The following UGGT2 variants were observed in gnomAD, a reference collection of about 807,000 sequenced individuals.
UGGT2 encodes the protein UDP-glucose:glycoprotein glucosyltransferase 2.
A neutral mutation model predicts 192.1 loss-of-function variants in UGGT2; 180 were observed. The observed-to-expected ratio is 0.94, with a 90% CI of 0.83 to 1.06. The LOEUF (loss-of-function observed/expected upper bound fraction) is 1.06, where lower values mean the gene tolerates loss of function less well. Among genes scored for constraint, UGGT2 ranks in the 50% least tolerant of loss-of-function variants. The pLI, the probability that UGGT2 is intolerant of heterozygous loss-of-function variation, is 0.00. For missense variants in UGGT2, 1,849 were observed against 1,795.7 expected (o/e 1.03, Z -0.54); for synonymous variants, 580 against 591.0 (o/e 0.98, Z 0.27).
At chr13:95,922,872 G>T (rs557414180) in intron 20 of UGGT2, among the ~76,000 whole-genome samples, 8 of 152,122 alleles carry the variant, frequency 5.3e-5, no homozygotes, top group African/African-American at 1.4e-4. Flanking sequence ...TTTAAAAAAA[G>T]AAACTCTCTT....
chr13:95,904,360 T>G (rs2048208305), intron 20 of UGGT2, among the ~76,000 whole-genome samples: 1 of 151,808 alleles, frequency 6.6e-6, no homozygotes, highest in South Asian at 2.1e-4. Context: ...TAGTTACATA[T>G]GTATACATGT....
chr13:95,899,022 G>A (rs1031172670), intron 22 of UGGT2, among the ~76,000 whole-genome samples: 1 of 152,188 alleles, frequency 6.6e-6, no homozygotes, highest in African/African-American at 2.4e-5. Flanking sequence ...TTTGGGAGAT[G>A]ATTAAGCCAC....
chr13:96,044,890 A>T (rs1326986952), intron 1 of UGGT2, among the ~76,000 whole-genome samples: 2 of 152,176 alleles, frequency 1.3e-5, no homozygotes, highest in African/African-American at 2.4e-5. Context: ...AGGACCAGAC[A>T]TATTCACAGC....
At chr13:96,024,766 T>G (rs1478854783) in intron 2 of UGGT2, among the ~76,000 whole-genome samples, 1 of 152,184 alleles carries the variant, frequency 6.6e-6, no homozygotes. Flanking sequence ...AGCAGTTCCC[T>G]GTGGATATCT....
In UGGT2 at chr13:96,053,215, T is replaced by G. The variant is rs2053540248; in HGVS notation, c.98A>C (p.Lys33Thr). Residue 33 changes from lysine (K) to threonine (T), a missense_variant, in exon 1 of 39, where the codon AAG becomes ACG. Lys to Thr is a moderately conservative substitution (Grantham distance 78). Coordinates refer to ENST00000376747, the MANE Select transcript of UGGT2 (RefSeq NM_020121.4). ...QLGSGTVAASKSVTAHLAAKW... is the reference protein window; with the variant it reads ...QLGSGTVAASTSVTAHLAAKW... The stretch of plus-strand genomic sequence containing the variant: ...CGCGGCCAAGTGGGCAGTCACCGAC[T>G]TGGACGCGGCGACCGTCCCGGAGCC... 1.3e-6 allele frequency: 2 copies of G among 1,536,706 alleles called. No individual in the cohort carries two copies. Among genetic ancestry groups the G allele is most frequent in the East Asian group, 2.5e-5 (1 of 40,482 alleles).
chr13:96,012,377 A>C (rs2052189935), intron 5 of UGGT2, among the ~76,000 whole-genome samples: 2 of 152,070 alleles, frequency 1.3e-5, no homozygotes, highest in South Asian at 4.1e-4. Context: ...TCGTTCAGGT[A>C]AAGTTGAGTA....
chr13:95,880,941 G>A (rs1228801596), intron 27 of UGGT2, among the ~76,000 whole-genome samples: 8 of 152,286 alleles, frequency 5.3e-5, no homozygotes, highest in South Asian at 2.1e-4. Flanking sequence ...TTGGGAGGCC[G>A]AGGTGGGTGG....
rs2049918886 is a variant in UGGT2, at chr13:95,947,591, T to C, written c.1541+405A>G. On this transcript the variant is annotated intron_variant, in intron 14 of 38. Coordinates refer to ENST00000376747, the MANE Select transcript of UGGT2 (RefSeq NM_020121.4). ...CTCAGCCTCCAGGTAGCTGGGACTA[T>C]AGGTGCGCACCACCACGCCTTGCTA... 2.6e-5 allele frequency among the ~76,000 whole-genome samples: 4 copies of C among 151,948 alleles called. No individual in the cohort carries two copies. The South Asian group carries it at 8.3e-4, about 32-fold the overall frequency.
intron 20 of UGGT2, among the ~76,000 whole-genome samples, chr13:95,910,835 G>T (rs903163252): frequency 4.6e-5 from 7 of 152,086 alleles, no homozygotes; most frequent in Non-Finnish European, 1.0e-4. Flanking sequence ...TACATAACTG[G>T]AAGTAAACCA....
intron 19 of UGGT2, among the ~76,000 whole-genome samples, chr13:95,926,653 C>G (rs2049024043): frequency 1.3e-5 from 2 of 152,150 alleles, no homozygotes; most frequent in African/African-American, 2.4e-5. Context: ...TGGTTGTAAC[C>G]CCTACCTTAA....
chr13:95,898,061 T>G, intron 22 of UGGT2, among the ~76,000 whole-genome samples: 1 of 152,118 alleles, frequency 6.6e-6, no homozygotes, highest in East Asian at 1.9e-4. Flanking sequence ...ACAATTCCTG[T>G]CCATTCTTCA....
At chr13:95,814,719 G>A (rs1013301484) in intron 38 of UGGT2, among the ~76,000 whole-genome samples, 2 of 152,074 alleles carry the variant, frequency 1.3e-5, no homozygotes, top group Non-Finnish European at 2.9e-5. Flanking sequence ...AATCTCCTTT[G>A]ACTTCAACTC....
chr13:95,804,360 T>A (rs1200668946), intron 38 of UGGT2, among the ~76,000 whole-genome samples: 1 of 152,186 alleles, frequency 6.6e-6, no homozygotes, highest in Non-Finnish European at 1.5e-5. Context: ...GGAAATTTAA[T>A]ATTAAGATGT....
chr13:95,987,484 C>G (rs1179623652), intron 8 of UGGT2, among the ~76,000 whole-genome samples: 1 of 151,900 alleles, frequency 6.6e-6, no homozygotes, highest in Non-Finnish European at 1.5e-5. Context: ...GCAAAGGCCC[C>G]TTAGAGAACA....
At chr13:95,928,387 C>G (rs536106494) in intron 17 of UGGT2, among the ~76,000 whole-genome samples, 1 of 100,746 alleles carries the variant, frequency 9.9e-6, no homozygotes, top group East Asian at 3.1e-4. Flanking sequence ...AGACGCTCCT[C>G]ACTTCCCGGA....
Position 95,894,661 on chromosome 13 carries a change from G to C in UGGT2, c.2760-4C>G. Reference sequence around the variant, plus strand: ...TTTCATAATAAAGTCACTCATGCTAGATAAACAAGACAAACAGTGTATGAG... The same window carrying C: ...TTTCATAATAAAGTCACTCATGCTACATAAACAAGACAAACAGTGTATGAG... On this transcript the variant is annotated splice_region_variant and splice_polypyrimidine_tract_variant and intron_variant, in intron 23 of 38. Transcript: ENST00000376747. 2 of 1,608,444 alleles carry C rather than the reference G, an allele frequency of 1.2e-6. No homozygotes were observed. The highest frequency in any genetic ancestry group is 8.5e-7 in the Non-Finnish European group (1 of 1,176,718).
In UGGT2 at chr13:95,893,909, C is replaced by T. The variant is rs1184483710; in HGVS notation, c.2855+653G>A. Among the ~76,000 whole-genome samples, 7 of 152,324 alleles carry T rather than the reference C, an allele frequency of 4.6e-5. No individual in the cohort carries two copies. In the South Asian group the frequency reaches 1.2e-3, roughly 27 times the overall value. On this transcript the variant is annotated intron_variant, in intron 24 of 38. Transcript: ENST00000376747. The stretch of plus-strand genomic sequence containing the variant: ...AGTAAATCCTTGGACCCTTGGTCCA[C>T]GCAGCAGCTTTATAATGTGTCAACT...
intron 1 of UGGT2, among the ~76,000 whole-genome samples, chr13:96,039,685 G>A (rs926645817): frequency 3.3e-5 from 5 of 152,196 alleles, no homozygotes; most frequent in African/African-American, 9.6e-5. Context: ...TATAGGCAGC[G>A]AGGAGAAACC....
chr13:95,952,739 G>A (rs897596011), intron 12 of UGGT2, among the ~76,000 whole-genome samples: 9 of 151,992 alleles, frequency 5.9e-5, no homozygotes, highest in Admixed American at 3.9e-4. Context: ...GAAAATCATA[G>A]CTTATGAGAT....
Sources: allele counts gnomAD v4.1 joint callset (sites outside exome capture counted in the v4.1 genomes callset), GRCh38; gene constraint gnomAD v4.1.1; transcripts MANE v1.5; gene names NCBI Gene and HGNC (gene_info 2026-07-23, HGNC 2026-07-21).